CFAP47: variants seen among roughly 807,000 people sequenced by gnomAD.
The protein encoded by CFAP47 is cilia- and flagella-associated protein 47.
CFAP47 carries 29 observed loss-of-function variants against 148.1 expected under a neutral mutation model. The observed-to-expected ratio is 0.20, with a 90% confidence interval of 0.15 to 0.27. The LOEUF (loss-of-function observed/expected upper bound fraction) is 0.27, where lower values mean the gene tolerates loss of function less well. CFAP47 is among the 10% of genes least tolerant of loss of function. The pLI is 1.00. For missense variants in CFAP47, 1,872 were observed against 1,697.5 expected (o/e 1.10, Z -1.81); for synonymous variants, 664 against 577.3 (o/e 1.15, Z -2.15).
At chrX:36,016,394 G>C (rs1193571695) in intron 22 of CFAP47, among the ~76,000 whole-genome samples, 1 of 110,754 alleles carries the variant, frequency 9.0e-6, no homozygotes, top group African/African-American at 3.3e-5. Context: ...ACAAATAAGT[G>C]AGAACATGTG....
intron 22 of CFAP47, among the ~76,000 whole-genome samples, chrX:36,027,560 A>ATG (rs778554446): frequency 1.3e-4 from 14 of 108,173 alleles, no homozygotes; most frequent in South Asian, 1.2e-3. Context: ...GTGTGCGTGT[A>ATG]TGTGTGTGTG....
chrX:36,088,887 G>A (rs961852442), intron 30 of CFAP47, among the ~76,000 whole-genome samples: 13 of 111,382 alleles, frequency 1.2e-4, no homozygotes, highest in African/African-American at 3.3e-4. Flanking sequence ...ATCTTCTGCC[G>A]TACATTGTAA....
intron 54 of CFAP47, among the ~76,000 whole-genome samples, chrX:36,305,125 T>G (rs933064951): frequency 1.1e-4 from 12 of 112,437 alleles, no homozygotes; most frequent in African/African-American, 3.2e-4. Flanking sequence ...TGCCAACTTA[T>G]GTAATGATAT....
intron 62 of CFAP47, among the ~76,000 whole-genome samples, chrX:36,376,823 G>A (rs1942028142): frequency 1.1e-5 from 1 of 94,502 alleles, no homozygotes; most frequent in Non-Finnish European, 2.1e-5. Context: ...CCCTTCCTGT[G>A]TCCATGTGTT....
intron 56 of CFAP47, 134 bp from the exon 57 acceptor site, chrX:36,319,075 A>T (rs1241201219): frequency 6.4e-6 from 2 of 313,958 alleles, no homozygotes; most frequent in Non-Finnish European, 1.1e-5. Flanking sequence ...ATCTCATTTT[A>T]AAATATACTT....
In CFAP47 at chrX:35,941,396, C is replaced by T. The variant is rs1480771270; in HGVS notation, c.515C>T (p.Pro172Leu). Reference protein sequence around the residue: ...EITITNHGKAPGIFKAEYHGQ... With the variant: ...EITITNHGKALGIFKAEYHGQ... Reference sequence around the variant, plus strand: ...ACTATCACTAACCATGGCAAAGCTCCAGGTAAATCCTTCCTGTCATATTTA... The same window carrying T: ...ACTATCACTAACCATGGCAAAGCTCTAGGTAAATCCTTCCTGTCATATTTA... The change falls in exon 3 of 64, where the codon CCA becomes CTA. Residue 172 changes from proline to leucine, a missense_variant and splice_region_variant. Transcript: ENST00000378653. 2.0e-6 allele frequency: 2 copies of T among 987,394 alleles called. No homozygotes were observed. The allele number at this position is 987,394 out of a possible 1,213,427, so 81.4% of individuals were successfully genotyped here. A position where few individuals can be genotyped will look rare whatever the true frequency, so the allele number is the denominator to read the frequency against.
intron 15 of CFAP47, among the ~76,000 whole-genome samples, chrX:35,984,264 TAA>T (rs1274526863): frequency 9.0e-6 from 1 of 111,526 alleles, no homozygotes; most frequent in Non-Finnish European, 1.9e-5. Context: ...GTTTGTAATA[TAA>T]GTTTTTTTTT....
At chrX:36,334,515 C>T (rs1212738795) in intron 57 of CFAP47, among the ~76,000 whole-genome samples, 2 of 111,424 alleles carry the variant, frequency 1.8e-5, no homozygotes, top group Admixed American at 1.9e-4. Flanking sequence ...TCATCTCCTA[C>T]AAGGTATCAC....
At chrX:35,929,128 CA>C (rs779724870) in intron 2 of CFAP47, among the ~76,000 whole-genome samples, 1 of 110,950 alleles carries the variant, frequency 9.0e-6, no homozygotes, top group Non-Finnish European at 1.9e-5. Context: ...GTTTAGTTAT[CA>C]AAATATCTCT....
At chrX:35,973,114 T>C (rs1936517919) in intron 13 of CFAP47, among the ~76,000 whole-genome samples, 1 of 112,557 alleles carries the variant, frequency 8.9e-6, no homozygotes, top group Admixed American at 9.4e-5. Flanking sequence ...TATTTTCATG[T>C]ACTTACTTAG....
intron 33 of CFAP47, among the ~76,000 whole-genome samples, chrX:36,128,224 G>A (rs1045442733): frequency 2.7e-5 from 3 of 110,762 alleles, no homozygotes; most frequent in African/African-American, 9.8e-5. Context: ...AACTATCTTA[G>A]TGTGATTTAT....
intron 30 of CFAP47, 102 bp downstream of exon 30, chrX:36,085,640 A>AACACACACACAC (rs200423976): frequency 1.7e-5 from 5 of 288,913 alleles, no homozygotes; most frequent in African/African-American, 1.5e-4. Flanking sequence ...TTTCTAACCA[A>AACACACACACAC]ACACACACAC....
intron 49 of CFAP47, among the ~76,000 whole-genome samples, chrX:36,278,511 C>G (rs1556003023): frequency 8.9e-6 from 1 of 112,562 alleles, no homozygotes; most frequent in Non-Finnish European, 1.9e-5. Context: ...CTTCCCTTGG[C>G]TAGGAAAAGC....
At chrX:35,968,032 G>A (rs780187783) in intron 10 of CFAP47, among the ~76,000 whole-genome samples, 200 bp downstream of exon 10, 111 of 109,405 alleles carry the variant, frequency 1.0e-3, no homozygotes, top group African/African-American at 3.6e-3. Flanking sequence ...GTTTGTTTTC[G>A]GTTAGAACCT....
chrX:36,005,421 T>A (rs1236255838), intron 21 of CFAP47, among the ~76,000 whole-genome samples: 1 of 112,220 alleles, frequency 8.9e-6, no homozygotes, highest in Non-Finnish European at 1.9e-5. Flanking sequence ...ATTTCCCACA[T>A]AATTTATTTT....
At chrX:36,206,217 G>A (rs1013275041) in intron 45 of CFAP47, among the ~76,000 whole-genome samples, 12 of 111,981 alleles carry the variant, frequency 1.1e-4, no homozygotes, top group Non-Finnish European at 1.9e-5. Flanking sequence ...CCAGCAATCA[G>A]TTTGAGACCC....
intron 42 of CFAP47, among the ~76,000 whole-genome samples, chrX:36,195,765 G>A (rs781902322): frequency 4.5e-5 from 5 of 111,229 alleles, no homozygotes; most frequent in African/African-American, 9.8e-5. Flanking sequence ...AGTGATGTTC[G>A]CATTTGAAGG....
At chrX:36,336,184 C>T (rs1941603128) in intron 57 of CFAP47, among the ~76,000 whole-genome samples, 1 of 107,227 alleles carries the variant, frequency 9.3e-6, no homozygotes, top group South Asian at 4.2e-4. Context: ...CCAACACATT[C>T]TCTCTGTCTG....
intron 37 of CFAP47, among the ~76,000 whole-genome samples, chrX:36,153,476 G>A (rs781676856): frequency 9.0e-6 from 1 of 111,658 alleles, no homozygotes; most frequent in Non-Finnish European, 1.9e-5. Context: ...CTATGCCTGG[G>A]TCTTGTGGTT....
Sources: allele counts gnomAD v4.1 joint callset (sites outside exome capture counted in the v4.1 genomes callset), GRCh38; gene constraint gnomAD v4.1.1; transcripts MANE v1.5; gene names NCBI Gene and HGNC (gene_info 2026-07-23, HGNC 2026-07-21).